Variants in MAP3K20 observed in about 807,000 individuals in gnomAD.
The protein encoded by MAP3K20 is mitogen-activated protein kinase kinase kinase 20.
Under a neutral mutation model 85.7 loss-of-function variants are expected in MAP3K20, and 40 were observed. The ratio of observed to expected loss-of-function variants is 0.47; its 90% CI spans 0.36 to 0.61. The LOEUF (loss-of-function observed/expected upper bound fraction) is 0.61, where lower values mean the gene tolerates loss of function less well. Among genes scored for constraint, MAP3K20 ranks in the 20% least tolerant of loss-of-function variants. The pLI is 0.00. For missense variants in MAP3K20, 817 were observed against 961.7 expected, an observed-to-expected ratio of 0.85 and a Z score of 1.99; for synonymous variants, 325 against 327.7, an observed-to-expected ratio of 0.99 and a Z score of 0.09.
chr2:173,215,218 C>T (rs1684035714), intron 10 of MAP3K20, among the ~76,000 whole-genome samples: 1 of 152,190 alleles, frequency 6.6e-6, no homozygotes, highest in South Asian at 2.1e-4. Flanking sequence ...ACTGGGTCGG[C>T]AGAAGCGCTG....
chr2:173,098,296 A>G (rs920592985), intron 2 of MAP3K20, among the ~76,000 whole-genome samples: 1 of 152,210 alleles, frequency 6.6e-6, no homozygotes, highest in Admixed American at 6.5e-5. Context: ...CTAACATTTT[A>G]ATTTGGTACA....
chr2:173,230,075 G>A (rs1191709015), intron 12 of MAP3K20, among the ~76,000 whole-genome samples: 1 of 152,102 alleles, frequency 6.6e-6, no homozygotes. Flanking sequence ...CAAGTGACGT[G>A]CCCGCCTCAG....
At chr2:173,207,209 T>C (rs913616923) in intron 9 of MAP3K20, among the ~76,000 whole-genome samples, 1 of 152,082 alleles carries the variant, frequency 6.6e-6, no homozygotes, top group Non-Finnish European at 1.5e-5. Flanking sequence ...AAAAAATAAG[T>C]TGGTCTCGTG....
chr2:173,106,611 A>G (rs1365187396), intron 2 of MAP3K20, among the ~76,000 whole-genome samples: 1 of 152,168 alleles, frequency 6.6e-6, no homozygotes, highest in Non-Finnish European at 1.5e-5. Context: ...AGAGAATTGG[A>G]TTTCTTCAGG....
chr2:173,186,951 G>GT (rs1416230352), intron 4 of MAP3K20, among the ~76,000 whole-genome samples: 1 of 152,148 alleles, frequency 6.6e-6, no homozygotes, highest in East Asian at 1.9e-4. Flanking sequence ...GAAATACTTT[G>GT]TAACTACTGT....
chr2:173,175,683 TTAAA>T (rs1448242595), intron 3 of MAP3K20, among the ~76,000 whole-genome samples: 4 of 152,208 alleles, frequency 2.6e-5, no homozygotes, highest in African/African-American at 9.6e-5. Context: ...TCTCAAAAGT[TTAAA>T]TAAGATGTTC....
intron 1 of MAP3K20, among the ~76,000 whole-genome samples, chr2:173,080,333 T>C (rs1686979518): frequency 6.6e-6 from 1 of 152,230 alleles, no homozygotes; most frequent in East Asian, 1.9e-4. Flanking sequence ...GCAGAGCTGC[T>C]TGCCCACTGT....
At chr2:173,261,988 GCC>G (rs2106357311) in intron 18 of MAP3K20, among the ~76,000 whole-genome samples, 1 of 151,210 alleles carries the variant, frequency 6.6e-6, no homozygotes, top group African/African-American at 2.4e-5. Flanking sequence ...CTGCACTCCA[GCC>G]TGGGTGAGAC....
chr2:173,258,152 T>C (rs1469701786), intron 16 of MAP3K20, among the ~76,000 whole-genome samples: 2 of 152,164 alleles, frequency 1.3e-5, no homozygotes, highest in African/African-American at 2.4e-5. Context: ...CATAACTCCC[T>C]AGTTGTCCGT....
intron 2 of MAP3K20, among the ~76,000 whole-genome samples, chr2:173,144,320 G>A (rs892316065): frequency 1.1e-4 from 16 of 151,808 alleles, no homozygotes; most frequent in Middle Eastern, 3.4e-3. Flanking sequence ...AAAATTAGCC[G>A]GGCGTGGTGG....
At chr2:173,220,156 T>G (rs1374629703) in intron 11 of MAP3K20, among the ~76,000 whole-genome samples, 1 of 152,006 alleles carries the variant, frequency 6.6e-6, no homozygotes, top group South Asian at 2.1e-4. Context: ...TTATCATAAA[T>G]GTATCCATAT....
At chr2:173,170,189 G>C (rs116539413) in intron 3 of MAP3K20, among the ~76,000 whole-genome samples, 155 of 152,300 alleles carry the variant, frequency 1.0e-3, no homozygotes, top group Middle Eastern at 3.4e-3. Context: ...CATTTAATTA[G>C]CTGAAATGAA....
At chr2:173,258,665 T>C (rs747450090) in intron 16 of MAP3K20, 34 bp from the exon 17 acceptor site, 3 of 1,372,098 alleles carry the variant, frequency 2.2e-6, no homozygotes, top group Admixed American at 1.8e-5. Context: ...TTGTTTCACT[T>C]TCTCAAATTC....
chr2:173,080,425 G>A (rs874779), intron 1 of MAP3K20, among the ~76,000 whole-genome samples: 6,846 of 152,238 alleles, frequency 0.045, 517 homozygotes, highest in African/African-American at 0.16. Flanking sequence ...TTTGGCTCAT[G>A]GTTCTGGAGC....
At position 173,075,883 on chromosome 2, in the gene MAP3K20, C is replaced by T. The variant is rs903468831; in HGVS notation, c.-154C>T. The T allele has an allele frequency of 1.4e-5, 14 of 985,232 alleles. No individual in the cohort carries two copies. The highest frequency in any genetic ancestry group is 1.7e-5 in the Non-Finnish European group (14 of 829,896). 61.0% of individuals were successfully genotyped at this position (985,232 alleles called of 1,614,324 possible). The stretch of plus-strand genomic sequence containing the variant: ...GTGCAGAGAGGCGGAATGTTCAACT[C>T]CTAACTGCAGCGGAAACGTGGGAGC... On this transcript the variant is annotated 5_prime_UTR_variant, in exon 1 of 20. Transcript: ENST00000375213.
intron 2 of MAP3K20, among the ~76,000 whole-genome samples, chr2:173,127,108 A>T (rs1688467033): frequency 6.6e-6 from 1 of 152,202 alleles, no homozygotes; most frequent in Non-Finnish European, 1.5e-5. Flanking sequence ...TACAACAAGG[A>T]AGAAGAAAGC....
rs1685345769 is a variant in MAP3K20 at position 173,263,607 on chromosome 2, G to C, written c.1552-138G>C. 5 of 810,132 alleles carry C rather than the reference G, an allele frequency of 6.2e-6. No homozygotes were observed. The Admixed American group carries it at 1.7e-4, about 27-fold the overall frequency. The allele number at this position is 810,132 out of a possible 1,614,324, so 50.2% of individuals were successfully genotyped here. A position where few individuals can be genotyped will look rare whatever the true frequency, so the allele number is the denominator to read the frequency against. ...TCAGAATATTTTCCTAGTGCATTAT[G>C]ATAGTGTTCTAAGAGGTGAAACTGA... On this transcript the variant is annotated intron_variant, in intron 18 of 19. Coordinates refer to ENST00000375213, the MANE Select transcript of MAP3K20 (RefSeq NM_016653.3).
At chr2:173,232,567 A>AGTGGTGTG in intron 14 of MAP3K20, 108 bp downstream of exon 14, 1 of 1,507,974 alleles carries the variant, frequency 6.6e-7, no homozygotes, top group Non-Finnish European at 8.9e-7. Context: ...GCAAAGGCAC[A>AGTGGTGTG]ATCTTGGCTC....
intron 7 of MAP3K20, among the ~76,000 whole-genome samples, chr2:173,194,545 T>A (rs1690762999): frequency 6.6e-6 from 1 of 152,152 alleles, no homozygotes; most frequent in Non-Finnish European, 1.5e-5. Context: ...AAGTTTGTGG[T>A]CCATAAACTT....
Sources: gnomAD v4.1 joint callset for allele counts (sites outside exome capture counted in the v4.1 genomes callset) on GRCh38, gnomAD v4.1.1 for gene constraint, MANE v1.5 for transcripts, NCBI Gene and HGNC (gene_info 2026-07-23, HGNC 2026-07-21) for gene names.